Variants in GARNL3 observed in about 807,000 individuals in gnomAD.
The protein encoded by GARNL3 is GTPase-activating Rap/Ran-GAP domain-like protein 3.
Under a neutral mutation model 125.0 loss-of-function variants are expected in GARNL3, and 63 were observed. The ratio of observed to expected loss-of-function variants is 0.50; its 90% CI spans 0.41 to 0.62. The LOEUF is 0.62. Ranked by LOEUF, GARNL3 falls within the 20% of genes least tolerant of loss-of-function variation. The pLI, the probability that GARNL3 is intolerant of heterozygous loss-of-function variation, is 0.00. For missense variants in GARNL3, 994 were observed against 1,244.0 expected (o/e 0.80, Z 3.02); for synonymous variants, 439 against 457.5 (o/e 0.96, Z 0.52).
chr9:127,310,043 C>T (rs1473858276), intron 2 of GARNL3, among the ~76,000 whole-genome samples: 1 of 152,032 alleles, frequency 6.6e-6, no homozygotes, highest in East Asian at 1.9e-4. Flanking sequence ...TAATTTAATG[C>T]CTTATAAGGA....
intron 21 of GARNL3, chr9:127,363,556 G>A (rs1392388293): frequency 6.6e-6 from 1 of 152,364 alleles, no homozygotes; most frequent in Non-Finnish European, 1.5e-5. Flanking sequence ...TTTTAGAGGT[G>A]AAGGCTGTGT....
rs183872541 is a variant in GARNL3, at chr9:127,375,530, A to G, written c.2162-7908A>G. 1.2e-3 allele frequency among the ~76,000 whole-genome samples: 178 copies of G among 152,224 alleles called. 1 individual carries two copies. The highest frequency in any genetic ancestry group is 4.0e-3 in the African/African-American group (165 of 41,552). On this transcript the variant is annotated intron_variant, in intron 22 of 27. Coordinates refer to ENST00000373387, the MANE Select transcript of GARNL3 (RefSeq NM_032293.5). ...TATGTATGTCCCCACAAAGATTTGT[A>G]TCCAAATATTCATAGCAGCATTATT...
intron 2 of GARNL3, among the ~76,000 whole-genome samples, chr9:127,256,817 T>C (rs1299767738): frequency 1.3e-5 from 2 of 152,208 alleles, no homozygotes; most frequent in Non-Finnish European, 2.9e-5. Flanking sequence ...AAGCAGGAAA[T>C]TGATGTTGAT....
Position 127,348,940 on chromosome 9 carries a change from G to A in GARNL3, c.1448G>A (p.Cys483Tyr). The A allele has an allele frequency of 6.2e-7, 1 of 1,612,730 alleles. No individual in the cohort carries two copies. Among genetic ancestry groups the A allele is most frequent in the South Asian group, 1.1e-5 (1 of 90,834 alleles). Residue 483 changes from cysteine to tyrosine, a missense_variant, in exon 17 of 28, where the codon TGT becomes TAT. By Grantham distance (194) the Cys-to-Tyr change is radical (BLOSUM62 -2). Transcript: ENST00000373387. ...ICKKEPWEPQ[C>Y]FCSNFPHEAV... ...GCCTCACAGCCGTGGGAGCCCCAGT[G>A]TTTCTGCAGTAATTTCCCTCATGAA...
intron 22 of GARNL3, among the ~76,000 whole-genome samples, chr9:127,370,090 C>A (rs1831524713): frequency 6.6e-6 from 1 of 152,206 alleles, no homozygotes; most frequent in Non-Finnish European, 1.5e-5. Context: ...TTCACTCTGT[C>A]AGATACACAA....
Position 127,274,290 on chromosome 9 carries a change from G to A in GARNL3, c.144+9269G>A, listed in dbSNP as rs185281488. ...CCATTTGGTGACCATCTTGAGCTCC[G>A]AGTGCTGTGTTAATGACATGCATAG... On this transcript the variant is annotated intron_variant, in intron 1 of 27. Transcript: ENST00000373387. Among the ~76,000 whole-genome samples the A allele has an allele frequency of 2.7e-3, 410 of 152,202 alleles. 2 individuals are homozygous for A. Among genetic ancestry groups the A allele is most frequent in the African/African-American group, 9.3e-3 (386 of 41,522 alleles).
chr9:127,258,334 A>G (rs891241132), intron 2 of GARNL3, among the ~76,000 whole-genome samples: 1 of 152,152 alleles, frequency 6.6e-6, no homozygotes, highest in African/African-American at 2.4e-5. Context: ...GAATTGTTCC[A>G]TTTCATTATT....
At position 127,336,163 on chromosome 9, in the gene GARNL3, C is replaced by T. The variant is rs757853149; in HGVS notation, c.909C>T (p.Val303=). The change falls in exon 11 of 28, where the codon GTC becomes GTT. Residue 303 remains valine (V), a synonymous_variant. Coordinates refer to ENST00000373387, the MANE Select transcript of GARNL3 (RefSeq NM_032293.5). ...ERKRHIGNDI[V]TIVFQEGEES... ...AACGCCACATTGGAAACGATATCGT[C>T]ACCATTGTGTTCCAAGAAGGAGAGG... 15 of 1,613,820 alleles carry T rather than the reference C, an allele frequency of 9.3e-6. No individual in the cohort carries two copies. The highest frequency in any genetic ancestry group is 8.3e-5 in the Admixed American group (5 of 59,996).
At chr9:127,270,937 A>G (rs1050820751) in intron 1 of GARNL3, among the ~76,000 whole-genome samples, 2 of 140,908 alleles carry the variant, frequency 1.4e-5, no homozygotes, top group Admixed American at 1.4e-4. Flanking sequence ...ATAGAATACT[A>G]TGGATTGTTT....
chr9:127,378,777 G>T (rs1832084494), intron 22 of GARNL3, among the ~76,000 whole-genome samples: 1 of 151,986 alleles, frequency 6.6e-6, no homozygotes. Context: ...TTGTTTGTTT[G>T]TTTGTTTGTT....
intron 13 of GARNL3, 50 bp downstream of exon 13, chr9:127,339,801 C>A: frequency 9.1e-7 from 1 of 1,097,602 alleles, no homozygotes; most frequent in Non-Finnish European, 1.4e-6. Context: ...TGTCAGAATA[C>A]ATTTCTTCAG....
At chr9:127,351,314 T>A (rs1019984639) in intron 17 of GARNL3, among the ~76,000 whole-genome samples, 2 of 152,104 alleles carry the variant, frequency 1.3e-5, no homozygotes, top group African/African-American at 4.8e-5. Flanking sequence ...ATGTAAGGAG[T>A]ATTGTGATTT....
At chr9:127,390,460 A>G (rs1266657930) in intron 26 of GARNL3, among the ~76,000 whole-genome samples, 181 bp from the exon 27 acceptor site, 1 of 152,228 alleles carries the variant, frequency 6.6e-6, no homozygotes, top group Non-Finnish European at 1.5e-5. Context: ...CTTTATAATC[A>G]GAAAAGAAAA....
intron 22 of GARNL3, among the ~76,000 whole-genome samples, chr9:127,370,142 C>T (rs935495620): frequency 2.0e-5 from 3 of 152,122 alleles, no homozygotes; most frequent in Non-Finnish European, 4.4e-5. Context: ...GCACAGTGGT[C>T]GCATCAAAGG....
chr9:127,385,473 G>T lies in GARNL3; in HGVS notation c.2388+328G>T, dbSNP rs575357831. 1.3e-5 allele frequency among the ~76,000 whole-genome samples: 2 copies of T among 152,292 alleles called. No individual in the cohort carries two copies. Among genetic ancestry groups the T allele is most frequent in the South Asian group, 4.1e-4 (2 of 4,824 alleles). ...ACTGCTGCCCTGGAGGACAGTCCAAGTCTAGAAAAGTCAGAGCTTGCAATC... is the reference window on the plus strand; with the variant it reads ...ACTGCTGCCCTGGAGGACAGTCCAATTCTAGAAAAGTCAGAGCTTGCAATC... On this transcript the variant is annotated intron_variant, in intron 24 of 27. Coordinates refer to ENST00000373387, the MANE Select transcript of GARNL3 (RefSeq NM_032293.5). This position sits in a 1 kb window ranked among gnomAD's most constrained non-coding sequence, Gnocchi z 4.1.
chr9:127,271,047 A>T (rs757711131), intron 1 of GARNL3, among the ~76,000 whole-genome samples: 1 of 150,248 alleles, frequency 6.7e-6, no homozygotes, highest in Non-Finnish European at 1.5e-5. Context: ...CCCCTCAGCA[A>T]TGCTTGTGGA....
chr9:127,312,484 A>G (rs2065122662), intron 3 of GARNL3, among the ~76,000 whole-genome samples: 1 of 152,260 alleles, frequency 6.6e-6, no homozygotes, highest in South Asian at 2.1e-4. Flanking sequence ...ATTAATAGCT[A>G]TGTACATTTA....
At chr9:127,264,657 C>A, upstream of GARNL3, 2 of 1,177,362 alleles carry the variant, frequency 1.7e-6, no homozygotes, top group Non-Finnish European at 2.1e-6. Flanking sequence ...TTATAAACCA[C>A]CAGTAACCTT....
At chr9:127,259,348 G>A (rs557283503), upstream of GARNL3, among the ~76,000 whole-genome samples, 30 of 152,328 alleles carry the variant, frequency 2.0e-4, 1 homozygote, top group South Asian at 6.0e-3. Flanking sequence ...ATCCTCACAT[G>A]TTAAATTGCC....
Sources: allele counts gnomAD v4.1 joint callset (sites outside exome capture counted in the v4.1 genomes callset), GRCh38; gene constraint gnomAD v4.1.1; non-coding constraint Gnocchi (gnomAD v3.1); transcripts MANE v1.5; gene names NCBI Gene and HGNC (gene_info 2026-07-23, HGNC 2026-07-21).